The following UMAD1 variants were observed in gnomAD, a reference collection of about 807,000 sequenced individuals.
UMAD1 encodes UBAP1-MVB12-associated (UMA) domain containing 1.
A neutral mutation model predicts 6.1 loss-of-function variants in UMAD1; 8 were observed. That is an observed-to-expected ratio of 1.30 (90% confidence interval 0.76 to 2.35). The LOEUF (loss-of-function observed/expected upper bound fraction) is 2.35. Ranked by LOEUF, UMAD1 falls within the 30% of genes most tolerant of loss-of-function variation. UMAD1 has a pLI of 0.00. For synonymous variants in UMAD1, 56 were observed against 31.4 expected (o/e 1.78, Z -2.61); for missense variants, 130 against 78.4 (o/e 1.66, Z -2.49).
intron 2 of UMAD1, among the ~76,000 whole-genome samples, chr7:7,756,828 C>T (rs1288274124): frequency 6.6e-6 from 1 of 152,198 alleles, no homozygotes; most frequent in African/African-American, 2.4e-5. Context: ...ACAGTCTGCT[C>T]AGAATTCCTT....
chr7:7,828,817 T>A (rs1368804972), intron 3 of UMAD1, among the ~76,000 whole-genome samples: 1 of 152,140 alleles, frequency 6.6e-6, no homozygotes, highest in Non-Finnish European at 1.5e-5. Flanking sequence ...ACTGAACAGA[T>A]CAGAGGGAAT....
intron 3 of UMAD1, among the ~76,000 whole-genome samples, chr7:7,850,381 G>C (rs748422806): frequency 6.6e-6 from 1 of 151,940 alleles, no homozygotes; most frequent in Non-Finnish European, 1.5e-5. Flanking sequence ...ACATGAACAA[G>C]CTAAGCTCTT....
At chr7:7,817,817 C>G (rs1364141831) in intron 3 of UMAD1, among the ~76,000 whole-genome samples, 1 of 152,018 alleles carries the variant, frequency 6.6e-6, no homozygotes, top group Admixed American at 6.6e-5. Flanking sequence ...ATGTTCCCCC[C>G]ACCCCCTTTT....
At chr7:7,788,662 C>T (rs1244568495) in intron 2 of UMAD1, among the ~76,000 whole-genome samples, 1 of 143,504 alleles carries the variant, frequency 7.0e-6, no homozygotes, top group African/African-American at 2.6e-5. Flanking sequence ...CTCAGATTTT[C>T]TGTGATTTCT....
chr7:7,738,785 A>G (rs1032471563), intron 2 of UMAD1: 1 of 152,294 alleles, frequency 6.6e-6, no homozygotes, highest in Non-Finnish European at 1.5e-5. Flanking sequence ...TCCTCTCAGC[A>G]GTAAAGTGCC....
At chr7:7,860,498 T>C (rs1169406142) in intron 3 of UMAD1, among the ~76,000 whole-genome samples, 1 of 150,764 alleles carries the variant, frequency 6.6e-6, no homozygotes, top group Non-Finnish European at 1.5e-5. Context: ...TGGTGGCTTA[T>C]GCTTGTAATC....
chr7:7,650,522 G>A (rs75325007), intron 1 of UMAD1, among the ~76,000 whole-genome samples: 5,770 of 152,288 alleles, frequency 0.038, 139 homozygotes, highest in Non-Finnish European at 0.057. Flanking sequence ...TTGATCCTCA[G>A]TTGTAACAGG....
At chr7:7,840,605 G>A (rs972315893) in intron 3 of UMAD1, among the ~76,000 whole-genome samples, 1 of 152,128 alleles carries the variant, frequency 6.6e-6, no homozygotes, top group Non-Finnish European at 1.5e-5. Flanking sequence ...TACTTGAACA[G>A]CACTTAGCAC....
At chr7:7,766,659 G>A (rs529660651) in intron 2 of UMAD1, among the ~76,000 whole-genome samples, 143 of 152,210 alleles carry the variant, frequency 9.4e-4, no homozygotes, top group Middle Eastern at 3.4e-3. Flanking sequence ...GCTGGTTAAT[G>A]TTGAAGATAG....
chr7:7,751,096 TAGC>T lies in UMAD1; in HGVS notation c.83-50573_83-50571del, dbSNP rs529140842. ...TTATGCAGGCTTCTCTTTGTGTATA[TAGC>T]TGAGCAATGTGAATATAATGCTGTC... is the stretch of plus-strand genomic sequence containing the variant. On this transcript the variant is annotated intron_variant, in intron 2 of 3. Coordinates refer to ENST00000682710, the MANE Select transcript of UMAD1 (RefSeq NM_001302348.2). 3.4e-4 allele frequency among the ~76,000 whole-genome samples: 52 copies of T among 152,334 alleles called. No individual in the cohort carries two copies. In the East Asian group the frequency reaches 6.0e-3, roughly 17 times the overall value.
rs1783453117 is a variant in UMAD1 at position 7,830,944 on chromosome 7, T to G, written c.156+29201T>G. ...TTCCTCATGTGGCTACAAGAATATT[T>G]TTTAATTATAAAAAATATACCAGTC... is the stretch of plus-strand genomic sequence containing the variant. On this transcript the variant is annotated intron_variant, in intron 3 of 3. Coordinates refer to ENST00000682710, the MANE Select transcript of UMAD1 (RefSeq NM_001302348.2). The surrounding 1 kb of genome is among the most constrained non-coding windows in gnomAD (Gnocchi z 5.3). Among the ~76,000 whole-genome samples, 1 of 152,172 alleles carries G rather than the reference T, an allele frequency of 6.6e-6. No individual in the cohort carries two copies. Among genetic ancestry groups the G allele is most frequent in the Non-Finnish European group, 1.5e-5 (1 of 68,028 alleles).
rs28916289 is a variant in UMAD1 at position 7,641,311 on chromosome 7, A to G, written c.-64+490A>G. On this transcript the variant is annotated intron_variant, in intron 1 of 3. Coordinates refer to ENST00000682710, the MANE Select transcript of UMAD1 (RefSeq NM_001302348.2). ...CCAATAGAAGCACTTAAGGATGGGT[A>G]ACGGGGAAGAACCACTGGCCAGTAC... 1.2e-3 allele frequency: 181 copies of G among 152,290 alleles called. 1 individual carries two copies. The highest frequency in any genetic ancestry group is 4.2e-3 in the African/African-American group (173 of 41,546). 9.4% of individuals were successfully genotyped at this position (152,290 alleles called of 1,614,324 possible).
At position 7,647,708 on chromosome 7, in the gene UMAD1, A is replaced by G. The variant is rs115857868; in HGVS notation, c.-64+6887A>G. 9.7e-3 allele frequency among the ~76,000 whole-genome samples: 1,470 copies of G among 152,312 alleles called. 33 individuals are homozygous for G. Among genetic ancestry groups the G allele is most frequent in the African/African-American group, 0.034 (1,414 of 41,564 alleles). ...ATGCAGCCTTGAACTCCTGAGCTCA[A>G]GGCTCAGCTTTCTGAGTAGCTGGGA... On this transcript the variant is annotated intron_variant, in intron 1 of 3. Transcript: ENST00000682710.
chr7:7,810,595 TA>T, intron 3 of UMAD1, among the ~76,000 whole-genome samples: 1 of 152,284 alleles, frequency 6.6e-6, no homozygotes, highest in South Asian at 2.1e-4. Flanking sequence ...ATGTAATACA[TA>T]AAAACATTAA....
At chr7:7,706,784 T>G (rs1780612576) in intron 2 of UMAD1, among the ~76,000 whole-genome samples, 1 of 152,168 alleles carries the variant, frequency 6.6e-6, no homozygotes, top group South Asian at 2.1e-4. Flanking sequence ...ATTGTCTGAG[T>G]CTGTGCTCTT....
intron 3 of UMAD1, among the ~76,000 whole-genome samples, chr7:7,843,703 G>A (rs1783730688): frequency 6.6e-6 from 1 of 152,110 alleles, no homozygotes; most frequent in East Asian, 1.9e-4. Flanking sequence ...CAAAAGAGTT[G>A]CTATGTTTTC....
In UMAD1 at chr7:7,749,161, A is replaced by T. The variant is rs549430940; in HGVS notation, c.83-52509A>T. Among the ~76,000 whole-genome samples, 5 of 152,344 alleles carry T rather than the reference A, an allele frequency of 3.3e-5. No individual in the cohort carries two copies. The South Asian group carries it at 1.0e-3, about 32-fold the overall frequency. ...ACAGGTTTGTGGGGGATTCCATAAC[A>T]AATTCAATTTATCAGTTACTTCTTT... On this transcript the variant is annotated intron_variant, in intron 2 of 3. Transcript: ENST00000682710.
intron 3 of UMAD1, among the ~76,000 whole-genome samples, chr7:7,845,498 T>A (rs1388518204): frequency 6.6e-6 from 1 of 152,132 alleles, no homozygotes; most frequent in Non-Finnish European, 1.5e-5. Flanking sequence ...TTTTAAATGT[T>A]AAGACTAGTG....
intron 3 of UMAD1, among the ~76,000 whole-genome samples, chr7:7,857,684 T>C (rs1784043638): frequency 1.3e-5 from 2 of 152,238 alleles, no homozygotes; most frequent in Admixed American, 6.5e-5. Flanking sequence ...GGGATTAAAA[T>C]AGTCCAAACA....
Sources: allele counts gnomAD v4.1 joint callset (sites outside exome capture counted in the v4.1 genomes callset), GRCh38; gene constraint gnomAD v4.1.1; non-coding constraint Gnocchi (gnomAD v3.1); transcripts MANE v1.5; gene names NCBI Gene and HGNC (gene_info 2026-07-23, HGNC 2026-07-21).